Variants in USP25 observed in about 807,000 individuals in gnomAD.
USP25 encodes the protein ubiquitin carboxyl-terminal hydrolase 25.
In USP25, 85 loss-of-function variants were observed where a neutral mutation model predicts 158.5. That is an observed-to-expected ratio of 0.54 (90% CI 0.45 to 0.64). The LOEUF is 0.64. USP25 is among the 30% of genes least tolerant of loss of function. USP25 has a pLI of 0.00. For synonymous variants in USP25, 464 were observed against 460.4 expected (o/e 1.01, Z -0.10); for missense variants, 1,242 against 1,327.3 (o/e 0.94, Z 1.00).
chr21:15,762,775 A>T (rs2033808843), intron 1 of USP25, 116 bp from the exon 2 acceptor site: 2 of 856,220 alleles, frequency 2.3e-6, no homozygotes, highest in South Asian at 3.9e-5. Context: ...TTTTTACTCT[A>T]GTTTACTTTA....
At chr21:15,830,332 G>T (rs1268398243) in intron 14 of USP25, among the ~76,000 whole-genome samples, 199 bp from the exon 15 acceptor site, 1 of 152,064 alleles carries the variant, frequency 6.6e-6, no homozygotes, top group East Asian at 1.9e-4. Context: ...TGTTTTTAAA[G>T]TATGCATTTG....
chr21:15,857,268 CATT>C (rs1438197623), intron 20 of USP25, among the ~76,000 whole-genome samples: 2 of 152,278 alleles, frequency 1.3e-5, no homozygotes, highest in African/African-American at 4.8e-5. Flanking sequence ...AATTTATCAG[CATT>C]GTTGTTGCTG....
rs2146624536 is a variant in USP25, at chr21:15,878,546, G to A, written c.*71G>A. 6.7e-7 allele frequency: 1 copy of A among 1,484,132 alleles called. No homozygotes were observed. The highest frequency in any genetic ancestry group is 1.4e-5 in the South Asian group (1 of 71,298). The allele number at this position is 1,484,132 out of a possible 1,614,324, so 91.9% of individuals were successfully genotyped here. On this transcript the variant is annotated 3_prime_UTR_variant, in exon 26 of 26. Transcript: ENST00000400183. ...TTAACCCTTGCCTTCCTGTCACAGG[G>A]TTTGCTTGTTGCTGCTATAGTTTTT...
At chr21:15,800,020 G>A (rs1055659385) in intron 6 of USP25, among the ~76,000 whole-genome samples, 177 bp downstream of exon 6, 4 of 150,924 alleles carry the variant, frequency 2.7e-5, no homozygotes, top group African/African-American at 7.3e-5. Context: ...TTATAAATAC[G>A]ACTTTTTTCC....
At chr21:15,731,260 T>G (rs2030865696) in intron 1 of USP25, among the ~76,000 whole-genome samples, 1 of 152,242 alleles carries the variant, frequency 6.6e-6, no homozygotes, top group African/African-American at 2.4e-5. Context: ...TTGCACCATG[T>G]TCTGAAGAGT....
At chr21:15,809,880 C>T (rs1024803276) in intron 8 of USP25, among the ~76,000 whole-genome samples, 1 of 151,984 alleles carries the variant, frequency 6.6e-6, no homozygotes, top group Admixed American at 6.5e-5. Flanking sequence ...TATTATGCCA[C>T]GTGAAAGAAG....
chr21:15,867,438 A>G (rs1253168264), intron 22 of USP25, among the ~76,000 whole-genome samples: 1 of 152,152 alleles, frequency 6.6e-6, no homozygotes, highest in African/African-American at 2.4e-5. Flanking sequence ...TTAATTCACT[A>G]AAGAGTGTCT....
intron 3 of USP25, among the ~76,000 whole-genome samples, chr21:15,767,720 G>C (rs2034123832): frequency 6.6e-6 from 1 of 151,928 alleles, no homozygotes; most frequent in Non-Finnish European, 1.5e-5. Context: ...AAATGCTCCT[G>C]GTTTAAGTGA....
intron 1 of USP25, among the ~76,000 whole-genome samples, chr21:15,730,976 G>GTTTTTTTTTTTTTT (rs748732727): frequency 3.7e-5 from 2 of 53,648 alleles, no homozygotes; most frequent in Non-Finnish European, 6.8e-5. Context: ...CTTCTTTTCT[G>GTTTTTTTTTTTTTT]TTTTTTTTTT....
chr21:15,858,762 G>A (rs1242101219), intron 20 of USP25, among the ~76,000 whole-genome samples: 1 of 151,958 alleles, frequency 6.6e-6, no homozygotes, highest in Non-Finnish European at 1.5e-5. Context: ...TTAGTATTAT[G>A]TATAATGTGT....
Position 15,879,153 on chromosome 21 carries a change from G to T in USP25, c.*678G>T, listed in dbSNP as rs9967963. ...TGAATTCAGTCAGGTTTTTACTCAA[G>T]TAAGTGGTTGATTTTTTTTAAGTCA... On this transcript the variant is annotated 3_prime_UTR_variant, in exon 26 of 26. Transcript: ENST00000400183. 9.8e-5 allele frequency: 15 copies of T among 152,560 alleles called. No individual in the cohort carries two copies. The highest frequency in any genetic ancestry group is 2.9e-4 in the African/African-American group (12 of 41,522). The allele number at this position is 152,560 out of a possible 1,614,324, so 9.5% of individuals were successfully genotyped here.
chr21:15,827,769 T>C (rs965299023), intron 14 of USP25, among the ~76,000 whole-genome samples: 11 of 102,570 alleles, frequency 1.1e-4, no homozygotes, highest in African/African-American at 3.1e-4. Context: ...CGTGTGCGTG[T>C]GTGTGTGTGT....
chr21:15,788,120 C>T (rs1005076683), intron 4 of USP25, among the ~76,000 whole-genome samples: 22 of 151,762 alleles, frequency 1.4e-4, no homozygotes, highest in African/African-American at 4.8e-4. Flanking sequence ...ATGTGGCTTG[C>T]GAGTTTACCC....
chr21:15,810,624 C>T (rs1284415158), intron 8 of USP25, among the ~76,000 whole-genome samples: 7 of 152,150 alleles, frequency 4.6e-5, no homozygotes, highest in African/African-American at 1.7e-4. Context: ...TGTTCAGCTA[C>T]TTTGGGTGAA....
At chr21:15,783,220 A>AG (rs1046053137) in intron 4 of USP25, among the ~76,000 whole-genome samples, 2 of 151,930 alleles carry the variant, frequency 1.3e-5, no homozygotes, top group African/African-American at 4.8e-5. Flanking sequence ...AAAAAAAAAA[A>AG]GAATAACAAA....
chr21:15,869,908 A>C (rs1198238178), intron 22 of USP25, among the ~76,000 whole-genome samples, 160 bp from the exon 23 acceptor site: 1 of 152,214 alleles, frequency 6.6e-6, no homozygotes, highest in Non-Finnish European at 1.5e-5. Context: ...CTTGTGTGCC[A>C]GAAAGTAAAG....
chr21:15,761,439 A>G (rs1208208784), intron 1 of USP25, among the ~76,000 whole-genome samples: 1 of 152,186 alleles, frequency 6.6e-6, no homozygotes, highest in East Asian at 1.9e-4. Context: ...ATAGATAGAA[A>G]CACCTGAAAC....
chr21:15,761,794 C>A (rs1331205273), intron 1 of USP25, among the ~76,000 whole-genome samples: 1 of 152,098 alleles, frequency 6.6e-6, no homozygotes, highest in African/African-American at 2.4e-5. Context: ...CCGCTTGGCC[C>A]CCTTCCAAGT....
chr21:15,753,215 G>A (rs1042150583), intron 1 of USP25, among the ~76,000 whole-genome samples: 1 of 152,164 alleles, frequency 6.6e-6, no homozygotes, highest in Non-Finnish European at 1.5e-5. Context: ...TTATGGTAAT[G>A]AAGCTGTAGT....
Sources: gnomAD v4.1 joint callset for allele counts (sites outside exome capture counted in the v4.1 genomes callset) on GRCh38, gnomAD v4.1.1 for gene constraint, MANE v1.5 for transcripts, NCBI Gene and HGNC (gene_info 2026-07-23, HGNC 2026-07-21) for gene names.